The following FKBP6 variants were observed in gnomAD, a reference collection of about 807,000 sequenced individuals.
FKBP6 encodes inactive peptidyl-prolyl cis-trans isomerase FKBP6.
FKBP6 carries 29 observed loss-of-function variants against 41.7 expected under a neutral mutation model. The observed-to-expected ratio is 0.70, with a 90% CI of 0.52 to 0.95. FKBP6 has a LOEUF of 0.95. FKBP6 is among the 40% of genes least tolerant of loss of function. The probability of loss-of-function intolerance (pLI) is 0.00; values close to 1 mark genes in which losing one functional copy is unlikely to be tolerated. For missense variants in FKBP6, 338 were observed against 408.7 expected (o/e 0.83, Z 1.49); for synonymous variants, 130 against 165.1 (o/e 0.79, Z 1.63).
chr7:73,328,181 A>G lies in FKBP6; in HGVS notation c.-248A>G, dbSNP rs1324999855. The G allele has an allele frequency of 1.8e-5, 28 of 1,544,626 alleles. No individual in the cohort carries two copies. Among genetic ancestry groups the G allele is most frequent in the African/African-American group, 5.5e-5 (4 of 72,854 alleles). ...GTCCCATCATGTTTCGTGCGCTCCC[A>G]TTACGGATCATACCTCGCACCTCAC... is the stretch of plus-strand genomic sequence containing the variant. On this transcript the variant is annotated 5_prime_UTR_variant, in exon 1 of 9. Coordinates refer to ENST00000252037, the MANE Select transcript of FKBP6 (RefSeq NM_003602.5).
intron 8 of FKBP6, among the ~76,000 whole-genome samples, chr7:73,348,568 A>G (rs1439622842): frequency 6.6e-6 from 1 of 152,218 alleles, no homozygotes; most frequent in African/African-American, 2.4e-5. Flanking sequence ...TCAGTGTCCT[A>G]CATTACAGCT....
At chr7:73,337,359 G>T (rs1452103273) in intron 5 of FKBP6, among the ~76,000 whole-genome samples, 2 of 147,512 alleles carry the variant, frequency 1.4e-5, no homozygotes, top group Admixed American at 1.4e-4. Context: ...TATCACCCAG[G>T]CTGGAGTGTA....
At chr7:73,333,312 C>T (rs1226319955) in intron 5 of FKBP6, among the ~76,000 whole-genome samples, 2 of 152,014 alleles carry the variant, frequency 1.3e-5, no homozygotes, top group Non-Finnish European at 1.5e-5. Flanking sequence ...CGTGTGCTGT[C>T]TCTGGAACAT....
intron 8 of FKBP6, among the ~76,000 whole-genome samples, chr7:73,355,335 C>T (rs1229982494): frequency 6.6e-6 from 1 of 152,238 alleles, no homozygotes; most frequent in African/African-American, 2.4e-5. Flanking sequence ...CTGTGCGATA[C>T]ATGTATTGGG....
At chr7:73,357,642 A>T (rs868970123) in intron 8 of FKBP6, among the ~76,000 whole-genome samples, 32 of 151,764 alleles carry the variant, frequency 2.1e-4, no homozygotes, top group African/African-American at 7.0e-4. Context: ...CTGACACCCC[A>T]CCTCCTCTTC....
At chr7:73,343,154 A>G (rs115635372) in intron 8 of FKBP6, among the ~76,000 whole-genome samples, 20 of 151,034 alleles carry the variant, frequency 1.3e-4, no homozygotes, top group Middle Eastern at 6.8e-3. Context: ...TTATTTATTT[A>G]TTTGTTTGTT....
chr7:73,349,708 G>A (rs1243001452), intron 8 of FKBP6, among the ~76,000 whole-genome samples: 10 of 115,824 alleles, frequency 8.6e-5, no homozygotes, highest in East Asian at 2.6e-4. Flanking sequence ...GCAAGACTCC[G>A]TCTCAAAAAA....
chr7:73,354,864 G>C (rs1241179051), intron 8 of FKBP6, among the ~76,000 whole-genome samples: 1 of 152,180 alleles, frequency 6.6e-6, no homozygotes, highest in East Asian at 1.9e-4. Context: ...GGAAGTGCTT[G>C]AGGCTGGGGC....
chr7:73,337,832 T>G (rs116633884), intron 5 of FKBP6, among the ~76,000 whole-genome samples: 1 of 152,184 alleles, frequency 6.6e-6, no homozygotes, highest in East Asian at 1.9e-4. Flanking sequence ...CAGAACATTT[T>G]CCTCACCCCG....
chr7:73,337,032 A>G, intron 5 of FKBP6: 2 of 343,642 alleles, frequency 5.8e-6, no homozygotes, highest in Non-Finnish European at 1.1e-5. Context: ...TTGATTACTC[A>G]TGGGAATGAG....
At chr7:73,334,846 T>A (rs1804953530) in intron 5 of FKBP6, among the ~76,000 whole-genome samples, 1 of 152,062 alleles carries the variant, frequency 6.6e-6, no homozygotes, top group Non-Finnish European at 1.5e-5. Flanking sequence ...AAGGCTAGAG[T>A]AGAGGCATGC....
chr7:73,344,979 T>C (rs1169019771), intron 8 of FKBP6, among the ~76,000 whole-genome samples: 1 of 152,176 alleles, frequency 6.6e-6, no homozygotes, highest in Non-Finnish European at 1.5e-5. Context: ...CTCTTAAGTA[T>C]TAGTTATGTG....
At chr7:73,330,129 C>T (rs782432442) in intron 3 of FKBP6, 21 bp from the exon 4 acceptor site, 4 of 1,599,658 alleles carry the variant, frequency 2.5e-6, no homozygotes, top group South Asian at 1.1e-5. Flanking sequence ...CTTCACCCAC[C>T]TTCTTTGTCC....
intron 5 of FKBP6, among the ~76,000 whole-genome samples, chr7:73,333,780 A>G (rs1474136389): frequency 6.6e-6 from 1 of 152,232 alleles, no homozygotes; most frequent in Non-Finnish European, 1.5e-5. Context: ...TTGTTATTAA[A>G]AAGTCTTTTG....
chr7:73,352,901 G>C (rs1223008737), intron 8 of FKBP6, among the ~76,000 whole-genome samples: 3 of 152,156 alleles, frequency 2.0e-5, no homozygotes, highest in East Asian at 3.8e-4. Flanking sequence ...GGCATCCTGA[G>C]GTCATACAGC....
chr7:73,339,454 C>T (rs1375869407), intron 5 of FKBP6, among the ~76,000 whole-genome samples: 2 of 152,140 alleles, frequency 1.3e-5, no homozygotes, highest in African/African-American at 4.8e-5. Context: ...TATGCCGGTG[C>T]TACACTGGCG....
chr7:73,353,461 C>T (rs1365963008), intron 8 of FKBP6, among the ~76,000 whole-genome samples: 1 of 152,160 alleles, frequency 6.6e-6, no homozygotes, highest in Non-Finnish European at 1.5e-5. Flanking sequence ...CCTTTCCGTC[C>T]CAGATGAGAT....
chr7:73,341,685 A>C (rs1219249601), intron 7 of FKBP6, among the ~76,000 whole-genome samples: 1 of 133,998 alleles, frequency 7.5e-6, no homozygotes, highest in Non-Finnish European at 1.6e-5. Flanking sequence ...TTTTTTTGAG[A>C]TGGAGTCCCT....
At chr7:73,335,078 C>T (rs1414795945) in intron 5 of FKBP6, among the ~76,000 whole-genome samples, 1 of 150,160 alleles carries the variant, frequency 6.7e-6, no homozygotes, top group Middle Eastern at 3.3e-3. Flanking sequence ...CAGGCTTTGC[C>T]TAGCTGCAAA....
Sources: gnomAD v4.1 joint callset for allele counts (sites outside exome capture counted in the v4.1 genomes callset) on GRCh38, gnomAD v4.1.1 for gene constraint, MANE v1.5 for transcripts, NCBI Gene and HGNC (gene_info 2026-07-23, HGNC 2026-07-21) for gene names.